Variants in ZFAT observed in about 807,000 individuals in gnomAD.
ZFAT encodes zinc finger protein ZFAT.
ZFAT carries 64 observed loss-of-function variants against 117.7 expected under a neutral mutation model. The observed-to-expected ratio is 0.54, with a 90% CI of 0.44 to 0.67. The LOEUF (loss-of-function observed/expected upper bound fraction) is 0.67. ZFAT is among the 30% of genes least tolerant of loss of function. ZFAT has a pLI of 0.00. For missense variants in ZFAT, 1,433 were observed against 1,584.5 expected (o/e 0.90, Z 1.62); for synonymous variants, 679 against 615.0 (o/e 1.10, Z -1.54).
intron 1 of ZFAT, among the ~76,000 whole-genome samples, chr8:134,674,149 T>C (rs1352363012): frequency 6.6e-6 from 1 of 152,144 alleles, no homozygotes; most frequent in African/African-American, 2.4e-5. Context: ...TTGCCTCACC[T>C]GGGAAGCACA....
chr8:134,517,634 A>C (rs1820346307), intron 13 of ZFAT, among the ~76,000 whole-genome samples: 1 of 152,200 alleles, frequency 6.6e-6, no homozygotes, highest in African/African-American at 2.4e-5. Context: ...CGGTTTTCTC[A>C]TTAATGTTCT....
chr8:134,830,355 T>C, the ZFAT span, among the ~76,000 whole-genome samples: 2 of 152,138 alleles, frequency 1.3e-5, no homozygotes, highest in African/African-American at 4.8e-5. Flanking sequence ...CAGAAAGAAT[T>C]AACAAGATCC....
At chr8:134,696,956 C>T (rs942511914) in intron 1 of ZFAT, among the ~76,000 whole-genome samples, 2 of 150,982 alleles carry the variant, frequency 1.3e-5, no homozygotes, top group Admixed American at 6.6e-5. Flanking sequence ...CTCGCTGTGT[C>T]GCCCAGGCTG....
At chr8:134,717,945 T>G (rs1031777024), upstream of ZFAT, among the ~76,000 whole-genome samples, 3 of 152,042 alleles carry the variant, frequency 2.0e-5, no homozygotes, top group African/African-American at 7.2e-5. Context: ...TCTGCCCACC[T>G]CAGCCTCCCA....
chr8:134,579,365 C>A (rs929237404), intron 10 of ZFAT, among the ~76,000 whole-genome samples: 19 of 152,164 alleles, frequency 1.2e-4, no homozygotes, highest in Admixed American at 6.5e-5. Context: ...GCCTCACAAT[C>A]GTGGTGAAAG....
At chr8:134,565,537 A>G in intron 10 of ZFAT, 116 bp from the exon 11 acceptor site, 2 of 982,760 alleles carry the variant, frequency 2.0e-6, no homozygotes, top group Non-Finnish European at 3.1e-6. Context: ...TGAGGATCAG[A>G]ATCTCAGAAG....
At chr8:134,521,069 T>A in intron 12 of ZFAT, 68 bp from the exon 13 acceptor site, 1 of 1,168,222 alleles carries the variant, frequency 8.6e-7, no homozygotes, top group Non-Finnish European at 1.2e-6. Context: ...CAGTTCCTCC[T>A]CCTGTTCAAA....
chr8:134,631,359 C>A (rs1415879650), intron 3 of ZFAT, among the ~76,000 whole-genome samples: 1 of 152,130 alleles, frequency 6.6e-6, no homozygotes, highest in Non-Finnish European at 1.5e-5. Flanking sequence ...AAATCTCCAT[C>A]CATGAGGTAG....
chr8:134,829,515 C>T, the ZFAT span, among the ~76,000 whole-genome samples: 1 of 152,216 alleles, frequency 6.6e-6, no homozygotes, highest in Non-Finnish European at 1.5e-5. Context: ...ACTGATAACC[C>T]TTACATATGC....
chr8:134,588,757 C>G (rs1826243893), intron 8 of ZFAT, among the ~76,000 whole-genome samples: 1 of 152,172 alleles, frequency 6.6e-6, no homozygotes, highest in Admixed American at 6.5e-5. Context: ...AACTAAACCA[C>G]TAGATGCAAA....
chr8:134,611,913 G>GAAC (rs10665858), intron 3 of ZFAT, among the ~76,000 whole-genome samples: 152,285 of 152,326 alleles, frequency 1, 76,123 homozygotes, highest in Non-Finnish European at 1. Context: ...GCCACAGAAA[G>GAAC]AACAGCTAAT....
intron 15 of ZFAT, among the ~76,000 whole-genome samples, chr8:134,484,006 T>C (rs1184864367): frequency 6.6e-6 from 1 of 152,184 alleles, no homozygotes; most frequent in Non-Finnish European, 1.5e-5. Context: ...CTCCTCTAGC[T>C]CCTCTCCTCA....
chr8:134,551,793 T>A (rs1345412332), intron 11 of ZFAT, among the ~76,000 whole-genome samples: 1 of 152,198 alleles, frequency 6.6e-6, no homozygotes, highest in Admixed American at 6.5e-5. Flanking sequence ...CCTTATACAT[T>A]CTAGGTGCTC....
intron 7 of ZFAT, among the ~76,000 whole-genome samples, chr8:134,590,702 A>G (rs1283266221): frequency 2.5e-5 from 3 of 119,402 alleles, no homozygotes; most frequent in Non-Finnish European, 3.5e-5. Context: ...CAACAACACC[A>G]CGACCACCAT....
At chr8:134,578,043 G>T (rs901014334) in intron 10 of ZFAT, among the ~76,000 whole-genome samples, 1 of 151,798 alleles carries the variant, frequency 6.6e-6, no homozygotes, top group Non-Finnish European at 1.5e-5. Context: ...CAGACAGGGG[G>T]AAAGAACACT....
intron 10 of ZFAT, among the ~76,000 whole-genome samples, chr8:134,568,178 A>G (rs1408224106): frequency 6.6e-6 from 1 of 152,220 alleles, no homozygotes; most frequent in African/African-American, 2.4e-5. Flanking sequence ...AAATATTAAT[A>G]CCACAGTTGT....
chr8:134,526,799 C>A (rs1821052364), intron 12 of ZFAT, among the ~76,000 whole-genome samples: 1 of 152,022 alleles, frequency 6.6e-6, no homozygotes, highest in South Asian at 2.1e-4. Context: ...TTGGTTTTCT[C>A]TTCTATGAAG....
chr8:134,832,127 A>G, the ZFAT span, among the ~76,000 whole-genome samples: 14,639 of 138,562 alleles, frequency 0.11, 764 homozygotes, highest in South Asian at 0.15. Context: ...CGCCAGGGTG[A>G]GGGGCGCGCG....
At chr8:134,636,230 G>C (rs566542406) in intron 3 of ZFAT, among the ~76,000 whole-genome samples, 5 of 152,326 alleles carry the variant, frequency 3.3e-5, no homozygotes, top group African/African-American at 1.2e-4. Context: ...GGTCAGAGTA[G>C]GATGGCCTGG....
Sources: allele counts gnomAD v4.1 joint callset (sites outside exome capture counted in the v4.1 genomes callset), GRCh38; gene constraint gnomAD v4.1.1; transcripts MANE v1.5; gene names NCBI Gene and HGNC (gene_info 2026-07-23, HGNC 2026-07-21).